PTPRM: variants seen among roughly 807,000 people sequenced by gnomAD.
The protein encoded by PTPRM is receptor-type tyrosine-protein phosphatase mu.
PTPRM carries 47 observed loss-of-function variants against 186.7 expected under a neutral mutation model. The ratio of observed to expected loss-of-function variants is 0.25; its 90% confidence interval spans 0.20 to 0.32. The LOEUF is 0.32. PTPRM is among the 10% of genes least tolerant of loss of function. The probability of loss-of-function intolerance (pLI) is 1.00; values close to 1 mark genes in which losing one functional copy is unlikely to be tolerated. For missense variants in PTPRM, 1,494 were observed against 1,865.0 expected (o/e 0.80, Z 3.66); for synonymous variants, 668 against 674.9 (o/e 0.99, Z 0.16).
chr18:7,987,505 A>T lies in PTPRM; in HGVS notation c.1132+32091A>T, dbSNP rs566810417. Among the ~76,000 whole-genome samples, 3 of 152,308 alleles carry T rather than the reference A, an allele frequency of 2.0e-5. No homozygotes were observed. The South Asian group carries it at 6.2e-4, about 32-fold the overall frequency. On this transcript the variant is annotated intron_variant, in intron 7 of 32. Coordinates refer to ENST00000580170, the MANE Select transcript of PTPRM (RefSeq NM_001105244.2). ...AATGTTTCTTGGCAGGCTCCCTGTCATTCCACTAGGTCCATGATCTGCGGT... is the reference window on the plus strand; with the variant it reads ...AATGTTTCTTGGCAGGCTCCCTGTCTTTCCACTAGGTCCATGATCTGCGGT...
intron 19 of PTPRM, among the ~76,000 whole-genome samples, chr18:8,264,446 G>A (rs951738815): frequency 4.2e-5 from 6 of 144,230 alleles, no homozygotes; most frequent in Non-Finnish European, 6.1e-5. Flanking sequence ...ACCTGCCCTT[G>A]TACTAACACC....
chr18:7,727,573 C>CAATG (rs1284939882), intron 1 of PTPRM, among the ~76,000 whole-genome samples: 2 of 152,050 alleles, frequency 1.3e-5, no homozygotes, highest in African/African-American at 4.8e-5. Flanking sequence ...TGTGGCAAGC[C>CAATG]AATGGCATGT....
At chr18:7,897,900 A>G (rs1015667794) in intron 3 of PTPRM, among the ~76,000 whole-genome samples, 3 of 152,198 alleles carry the variant, frequency 2.0e-5, no homozygotes, top group Non-Finnish European at 4.4e-5. Context: ...AAAGTGAGGA[A>G]GGTTGTGTTA....
intron 1 of PTPRM, among the ~76,000 whole-genome samples, chr18:7,763,110 C>A (rs777743040): frequency 2.0e-5 from 3 of 152,152 alleles, no homozygotes; most frequent in Non-Finnish European, 4.4e-5. Context: ...CTCAGTAAGT[C>A]CAATAAAGTC....
chr18:7,729,932 A>T (rs1224813707), intron 1 of PTPRM, among the ~76,000 whole-genome samples: 2 of 152,106 alleles, frequency 1.3e-5, no homozygotes, highest in Non-Finnish European at 2.9e-5. Flanking sequence ...TGAAAAATAT[A>T]CTCTACATGT....
chr18:8,026,660 C>G (rs772272739), intron 7 of PTPRM, among the ~76,000 whole-genome samples: 7 of 152,152 alleles, frequency 4.6e-5, no homozygotes, highest in Non-Finnish European at 1.0e-4. Context: ...AGTTCAAGAC[C>G]AGCCTGGCCA....
At chr18:8,298,441 G>T (rs920450078) in intron 20 of PTPRM, among the ~76,000 whole-genome samples, 1 of 152,190 alleles carries the variant, frequency 6.6e-6, no homozygotes, top group African/African-American at 2.4e-5. Context: ...GAATGTCAAG[G>T]GGTGTAGCCT....
intron 2 of PTPRM, among the ~76,000 whole-genome samples, chr18:7,805,099 A>G (rs903002258): frequency 2.6e-5 from 4 of 152,196 alleles, no homozygotes; most frequent in Non-Finnish European, 5.9e-5. Flanking sequence ...CTTCGTCTTT[A>G]TCCTCTTCTT....
At chr18:8,014,279 C>T (rs2084719481) in intron 7 of PTPRM, among the ~76,000 whole-genome samples, 1 of 152,044 alleles carries the variant, frequency 6.6e-6, no homozygotes, top group Non-Finnish European at 1.5e-5. Context: ...TTAGAAAGCC[C>T]TTTTTAAGCA....
chr18:8,137,803 G>A (rs2092672465), intron 13 of PTPRM, among the ~76,000 whole-genome samples: 1 of 151,982 alleles, frequency 6.6e-6, no homozygotes, highest in Non-Finnish European at 1.5e-5. Flanking sequence ...GGTCCTTCCA[G>A]CCCATTCATT....
chr18:7,762,484 G>A (rs1262340449), intron 1 of PTPRM, among the ~76,000 whole-genome samples: 4 of 152,164 alleles, frequency 2.6e-5, no homozygotes, highest in Non-Finnish European at 1.5e-5. Context: ...AGATAAAGAG[G>A]TAGACGGGGG....
intron 1 of PTPRM, among the ~76,000 whole-genome samples, chr18:7,720,095 G>T (rs1402484493): frequency 2.6e-5 from 4 of 152,002 alleles, no homozygotes; most frequent in Non-Finnish European, 4.4e-5. Flanking sequence ...TGAACAAATG[G>T]ATAGTTATAA....
intron 16 of PTPRM, 59 bp downstream of exon 16, chr18:8,247,978 G>T (rs867230999): frequency 5.5e-6 from 8 of 1,446,764 alleles, no homozygotes; most frequent in Middle Eastern, 3.5e-4. Flanking sequence ...GAATCACTCC[G>T]CCCTCTCTCT....
At position 7,874,115 on chromosome 18, in the gene PTPRM, TTA is replaced by T. The variant is rs1491409875; in HGVS notation, c.197-13990_197-13989del. Among the ~76,000 whole-genome samples the T allele has an allele frequency of 8.8e-3, 1,071 of 121,722 alleles. 8 individuals carry two copies. Among genetic ancestry groups the T allele is most frequent in the African/African-American group, 0.044 (1,042 of 23,602 alleles). 79.9% of individuals were successfully genotyped at this position (121,722 alleles called of 152,430 possible). On this transcript the variant is annotated intron_variant, in intron 2 of 32. Transcript: ENST00000580170. The stretch of plus-strand genomic sequence containing the variant: ...TTCTTTGAATAAAGTAGGAAAAGTT[TTA>T]AAAAAAAAAATCCCTTCGTATATGT...
intron 20 of PTPRM, among the ~76,000 whole-genome samples, chr18:8,305,803 CT>C (rs2095215252): frequency 6.6e-6 from 1 of 152,172 alleles, no homozygotes; most frequent in African/African-American, 2.4e-5. Context: ...CTGCCCTGCT[CT>C]GCTGTTCCCC....
At chr18:7,927,110 A>G (rs2146806720) in intron 5 of PTPRM, among the ~76,000 whole-genome samples, 1 of 152,302 alleles carries the variant, frequency 6.6e-6, no homozygotes, top group Non-Finnish European at 1.5e-5. Context: ...TAAACTTAGA[A>G]ATTAATAATA....
intron 7 of PTPRM, among the ~76,000 whole-genome samples, chr18:8,019,989 C>A (rs778923676): frequency 2.0e-5 from 3 of 151,754 alleles, no homozygotes; most frequent in Non-Finnish European, 4.4e-5. Context: ...CTTTTTACTT[C>A]TTTTTGATAA....
chr18:8,397,405 C>A (rs1021280392), intron 32 of PTPRM, among the ~76,000 whole-genome samples: 1 of 152,216 alleles, frequency 6.6e-6, no homozygotes, highest in Non-Finnish European at 1.5e-5. Flanking sequence ...ATGACACTCT[C>A]CAGGGAGATC....
intron 1 of PTPRM, among the ~76,000 whole-genome samples, chr18:7,648,328 A>G (rs1384505576): frequency 6.6e-6 from 1 of 152,116 alleles, no homozygotes; most frequent in Admixed American, 6.6e-5. Flanking sequence ...AGACTCAACA[A>G]TATTAAAATT....
Sources: gnomAD v4.1 joint callset for allele counts (sites outside exome capture counted in the v4.1 genomes callset) on GRCh38, gnomAD v4.1.1 for gene constraint, MANE v1.5 for transcripts, NCBI Gene and HGNC (gene_info 2026-07-23, HGNC 2026-07-21) for gene names.